Variants in MDGA2 observed in about 807,000 individuals in gnomAD.
MDGA2 encodes MAM domain containing glycosylphosphatidylinositol anchor 2.
Under a neutral mutation model 117.8 loss-of-function variants are expected in MDGA2, and 40 were observed. The observed-to-expected ratio is 0.34, with a 90% CI of 0.26 to 0.44. The LOEUF (loss-of-function observed/expected upper bound fraction) is 0.44, where lower values mean the gene tolerates loss of function less well. Among genes scored for constraint, MDGA2 ranks in the 20% least tolerant of loss-of-function variants. The probability of loss-of-function intolerance (pLI) is 1.00; values close to 1 mark genes in which losing one functional copy is unlikely to be tolerated. For synonymous variants in MDGA2, 452 were observed against 439.0 expected (o/e 1.03, Z -0.37); for missense variants, 1,123 against 1,250.6 (o/e 0.90, Z 1.54).
chr14:47,193,598 A>C (rs1279774903), intron 3 of MDGA2, among the ~76,000 whole-genome samples: 1 of 152,198 alleles, frequency 6.6e-6, no homozygotes, highest in Non-Finnish European at 1.5e-5. Context: ...ACAAAAATAG[A>C]AAAATGCACA....
At chr14:47,037,361 T>C (rs1213714526) in intron 7 of MDGA2, among the ~76,000 whole-genome samples, 2 of 152,192 alleles carry the variant, frequency 1.3e-5, no homozygotes, top group Admixed American at 1.3e-4. Context: ...ATACTTCAAT[T>C]TGAACAGAAT....
chr14:47,470,105 T>C (rs1268202987), intron 1 of MDGA2, among the ~76,000 whole-genome samples: 2 of 122,526 alleles, frequency 1.6e-5, no homozygotes, highest in Non-Finnish European at 3.4e-5. Context: ...TCTTTTTATT[T>C]ATTTATTTAT....
In MDGA2 at chr14:47,270,655, T is replaced by C. The variant is rs192079450; in HGVS notation, c.420+30756A>G. Among the ~76,000 whole-genome samples, 3 of 152,212 alleles carry C rather than the reference T, an allele frequency of 2.0e-5. No individual in the cohort carries two copies. The East Asian group carries it at 5.8e-4, about 29-fold the overall frequency. Reference sequence around the variant, plus strand: ...CTTTTACGGTGTTTTTAGGACAAAATACAGTGATGGAAAAATACAAAAACT... The same window carrying C: ...CTTTTACGGTGTTTTTAGGACAAAACACAGTGATGGAAAAATACAAAAACT... On this transcript the variant is annotated intron_variant, in intron 2 of 16. Transcript: ENST00000399232.
intron 3 of MDGA2, chr14:47,201,155 G>T: frequency 1.5e-6 from 1 of 685,104 alleles, no homozygotes; most frequent in Non-Finnish European, 2.7e-6. Flanking sequence ...TGCATTAGCT[G>T]CTAGTTTACC....
chr14:47,330,448 C>T (rs1159240701), intron 1 of MDGA2, among the ~76,000 whole-genome samples: 1 of 151,790 alleles, frequency 6.6e-6, no homozygotes, highest in Admixed American at 6.6e-5. Context: ...TGACATGGCT[C>T]ATAATTCAAT....
chr14:47,564,987 CT>C (rs200644210), intron 1 of MDGA2, among the ~76,000 whole-genome samples: 10 of 149,678 alleles, frequency 6.7e-5, no homozygotes, highest in South Asian at 4.2e-4. Context: ...AAAATGGCCA[CT>C]TTTTTTTTTC....
chr14:47,505,483 ATG>A (rs1319057521), intron 1 of MDGA2, among the ~76,000 whole-genome samples: 2 of 152,196 alleles, frequency 1.3e-5, no homozygotes, highest in African/African-American at 2.4e-5. Flanking sequence ...TACAATTAAG[ATG>A]TGTCAAAATA....
chr14:46,972,746 T>A (rs559981396), intron 8 of MDGA2, among the ~76,000 whole-genome samples: 1 of 152,250 alleles, frequency 6.6e-6, no homozygotes, highest in African/African-American at 2.4e-5. Context: ...ACCAATGGCA[T>A]AATTATTGAA....
chr14:47,060,410 T>C (rs1284329541), intron 7 of MDGA2, among the ~76,000 whole-genome samples: 2 of 152,108 alleles, frequency 1.3e-5, no homozygotes, highest in Non-Finnish European at 2.9e-5. Flanking sequence ...CTACTACATT[T>C]GTCTCTATGT....
Position 47,218,117 on chromosome 14 carries a change from T to C in MDGA2, c.499A>G (p.Thr167Ala). 1 of 1,551,442 alleles carries C rather than the reference T, an allele frequency of 6.4e-7. No individual in the cohort carries two copies. The highest frequency in any genetic ancestry group is 8.7e-7 in the Non-Finnish European group (1 of 1,146,740). ...CCTCCTTGGTGTCGCTGAATATTTG[T>C]AATCCTCAAAGTCTCATTGAAGACA... The part of the protein sequence containing the change: ...SSVFNETLRI[T>A]NIQRHQGGRY... Residue 167 changes from threonine to alanine, a missense_variant, in exon 3 of 17, where the codon ACA becomes GCA. Coordinates refer to ENST00000399232, the MANE Select transcript of MDGA2 (RefSeq NM_001113498.3).
intron 8 of MDGA2, among the ~76,000 whole-genome samples, chr14:46,992,984 A>G (rs1887148898): frequency 6.6e-6 from 1 of 152,168 alleles, no homozygotes; most frequent in African/African-American, 2.4e-5. Flanking sequence ...CTGAAATTGT[A>G]TACTTCATTC....
intron 8 of MDGA2, among the ~76,000 whole-genome samples, chr14:47,029,881 G>C (rs1222798874): frequency 6.6e-6 from 1 of 151,742 alleles, no homozygotes; most frequent in Non-Finnish European, 1.5e-5. Context: ...ATGCTTGAGT[G>C]CAGTGGCAAA....
At chr14:47,520,926 A>G (rs1894855467) in intron 1 of MDGA2, among the ~76,000 whole-genome samples, 1 of 152,230 alleles carries the variant, frequency 6.6e-6, no homozygotes, top group African/African-American at 2.4e-5. Flanking sequence ...TAATTTGTCA[A>G]ACAATATCAG....
chr14:47,660,419 GA>G (rs1289298632), intron 1 of MDGA2, among the ~76,000 whole-genome samples: 1 of 152,140 alleles, frequency 6.6e-6, no homozygotes, highest in Non-Finnish European at 1.5e-5. Flanking sequence ...TAGGAAAAAT[GA>G]CTTTTATAGT....
chr14:47,614,649 C>A (rs1566542498), intron 1 of MDGA2, among the ~76,000 whole-genome samples: 1 of 152,150 alleles, frequency 6.6e-6, no homozygotes, highest in Non-Finnish European at 1.5e-5. Flanking sequence ...TGATTTAAAA[C>A]CCTCCAGTGG....
At chr14:47,504,907 C>G (rs1364960872) in intron 1 of MDGA2, among the ~76,000 whole-genome samples, 4 of 152,060 alleles carry the variant, frequency 2.6e-5, no homozygotes, top group African/African-American at 9.7e-5. Context: ...ATGGTTCATT[C>G]AGTATTATTT....
intron 8 of MDGA2, among the ~76,000 whole-genome samples, chr14:47,013,778 A>G (rs947807982): frequency 2.4e-5 from 3 of 125,070 alleles, no homozygotes; most frequent in Admixed American, 7.9e-5. Flanking sequence ...CCTTGTATAT[A>G]TATATATATA....
intron 1 of MDGA2, among the ~76,000 whole-genome samples, chr14:47,638,228 T>C (rs1204469902): frequency 6.6e-6 from 1 of 152,212 alleles, no homozygotes; most frequent in Non-Finnish European, 1.5e-5. Context: ...AAAACCCATT[T>C]TGCAGTTGAA....
chr14:47,469,087 C>A (rs903516855), intron 1 of MDGA2, among the ~76,000 whole-genome samples: 38 of 151,894 alleles, frequency 2.5e-4, no homozygotes, highest in Admixed American at 6.6e-5. Flanking sequence ...TATTCAAAAA[C>A]TGCTAAGTCA....
Sources: allele counts gnomAD v4.1 joint callset (sites outside exome capture counted in the v4.1 genomes callset), GRCh38; gene constraint gnomAD v4.1.1; transcripts MANE v1.5; gene names NCBI Gene and HGNC (gene_info 2026-07-23, HGNC 2026-07-21).